UNC13C: variants seen among roughly 807,000 people sequenced by gnomAD.
UNC13C encodes the protein protein unc-13 homolog C.
Under a neutral mutation model 245.4 loss-of-function variants are expected in UNC13C, and 174 were observed. That is an observed-to-expected ratio of 0.71 (90% CI 0.63 to 0.80). UNC13C has a LOEUF of 0.80. UNC13C is among the 30% of genes least tolerant of loss of function. The pLI, the probability that UNC13C is intolerant of heterozygous loss-of-function variation, is 0.00. For missense variants in UNC13C, 2,829 were observed against 2,602.9 expected (o/e 1.09, Z -1.89); for synonymous variants, 992 against 895.1 (o/e 1.11, Z -1.93).
rs144385253 is a variant in UNC13C at position 54,485,574 on chromosome 15, C to G, written c.4934-9034C>G. 6.3e-3 allele frequency among the ~76,000 whole-genome samples: 953 copies of G among 152,298 alleles called. 9 individuals carry two copies. The highest frequency in any genetic ancestry group is 0.022 in the African/African-American group (919 of 41,562). The stretch of plus-strand genomic sequence containing the variant: ...TGTCTTCTGTTCACCAGATAGCAAC[C>G]GAAGTCATGTTTTACAGATGTAAAT... On this transcript the variant is annotated intron_variant, in intron 19 of 32. Transcript: ENST00000260323.
At chr15:54,220,159 C>T (rs1053760489) in intron 4 of UNC13C, among the ~76,000 whole-genome samples, 14 of 151,182 alleles carry the variant, frequency 9.3e-5, no homozygotes, top group South Asian at 4.2e-4. Context: ...ATGTTTACTG[C>T]GGCACTATTC....
intron 10 of UNC13C, among the ~76,000 whole-genome samples, chr15:54,291,622 A>G (rs912506014): frequency 6.6e-6 from 1 of 151,998 alleles, no homozygotes; most frequent in Non-Finnish European, 1.5e-5. Flanking sequence ...GCTAACTGCT[A>G]TAAGGTATTA....
At chr15:54,575,464 A>G (rs1897917762) in intron 30 of UNC13C, among the ~76,000 whole-genome samples, 1 of 152,086 alleles carries the variant, frequency 6.6e-6, no homozygotes, top group African/African-American at 2.4e-5. Context: ...TAGAAAATAA[A>G]CCCTTTTCTG....
At chr15:54,288,148 G>T (rs1415522051) in intron 10 of UNC13C, among the ~76,000 whole-genome samples, 1 of 152,170 alleles carries the variant, frequency 6.6e-6, no homozygotes, top group East Asian at 1.9e-4. Flanking sequence ...GTCTTTGTAT[G>T]TAGCAACCAT....
At chr15:54,185,131 G>C (rs560083003) in intron 4 of UNC13C, among the ~76,000 whole-genome samples, 4 of 151,986 alleles carry the variant, frequency 2.6e-5, no homozygotes, top group South Asian at 2.1e-4. Context: ...TTTTTTTCTT[G>C]TAAATTTGTT....
At chr15:53,994,869 A>T (rs915390748) in intron 1 of UNC13C, among the ~76,000 whole-genome samples, 9 of 152,088 alleles carry the variant, frequency 5.9e-5, no homozygotes, top group Non-Finnish European at 1.3e-4. Context: ...GGGAACACTG[A>T]TGAGGGCCTG....
chr15:54,239,538 C>T (rs78546837), intron 7 of UNC13C, among the ~76,000 whole-genome samples: 2,270 of 152,304 alleles, frequency 0.015, 60 homozygotes, highest in African/African-American at 0.052. Context: ...GCAGCCTCAA[C>T]CTTCAGAGCT....
chr15:54,147,064 G>GTA (rs2032291456), intron 4 of UNC13C, among the ~76,000 whole-genome samples: 1 of 152,170 alleles, frequency 6.6e-6, no homozygotes, highest in African/African-American at 2.4e-5. Context: ...TGGGGAGGGT[G>GTA]TAGCCTTGGG....
intron 13 of UNC13C, among the ~76,000 whole-genome samples, chr15:54,317,568 C>G (rs1214901610): frequency 6.6e-6 from 1 of 151,768 alleles, no homozygotes; most frequent in Non-Finnish European, 1.5e-5. Context: ...GAGCAATGTT[C>G]AATAATTGTG....
chr15:54,624,780 G>A (rs1334037128), intron 32 of UNC13C, among the ~76,000 whole-genome samples: 1 of 152,100 alleles, frequency 6.6e-6, no homozygotes, highest in Non-Finnish European at 1.5e-5. Context: ...TAGGCTGGAG[G>A]TAGAACATGA....
intron 17 of UNC13C, among the ~76,000 whole-genome samples, chr15:54,367,309 T>C (rs180687776): frequency 5.9e-5 from 9 of 152,274 alleles, no homozygotes; most frequent in Non-Finnish European, 8.8e-5. Context: ...ATATTTACAT[T>C]TTCCAATCCT....
Position 54,012,876 on chromosome 15 carries a change from G to A in UNC13C, c.-28G>A, listed in dbSNP as rs1384556875. 1.3e-6 allele frequency: 2 copies of A among 1,510,934 alleles called. No homozygotes were observed. Among genetic ancestry groups the A allele is most frequent in the Non-Finnish European group, 8.9e-7 (1 of 1,118,618 alleles). 93.6% of individuals were successfully genotyped at this position (1,510,934 alleles called of 1,614,324 possible). On this transcript the variant is annotated 5_prime_UTR_variant, in exon 2 of 33. Coordinates refer to ENST00000260323, the MANE Select transcript of UNC13C (RefSeq NM_001080534.3). ...CCTGATACTTGTTTACTTTTCTGGGGCAGAAAAGCTTGCACTAATTGCTCT... is the reference window on the plus strand; with the variant it reads ...CCTGATACTTGTTTACTTTTCTGGGACAGAAAAGCTTGCACTAATTGCTCT...
At chr15:54,092,835 C>T (rs528184891) in intron 2 of UNC13C, among the ~76,000 whole-genome samples, 6 of 152,260 alleles carry the variant, frequency 3.9e-5, no homozygotes, top group Non-Finnish European at 7.4e-5. Context: ...GATATTACCT[C>T]ATTGGCCACC....
intron 4 of UNC13C, among the ~76,000 whole-genome samples, chr15:54,202,457 G>A (rs570209810): frequency 1.3e-5 from 2 of 152,064 alleles, no homozygotes; most frequent in South Asian, 4.1e-4. Context: ...CATAGTACTG[G>A]TATAAAAATT....
At chr15:54,356,669 G>C (rs2039102064) in intron 17 of UNC13C, among the ~76,000 whole-genome samples, 1 of 152,110 alleles carries the variant, frequency 6.6e-6, no homozygotes. Context: ...TTTATTATTT[G>C]ATAATTCCCC....
intron 24 of UNC13C, among the ~76,000 whole-genome samples, chr15:54,517,887 T>C (rs888798933): frequency 3.9e-5 from 6 of 152,306 alleles, no homozygotes; most frequent in Admixed American, 2.0e-4. Context: ...TTATAACTTA[T>C]CCTGCAACAA....
chr15:53,913,095 C>T, the UNC13C span: 1 of 152,178 alleles, frequency 6.6e-6, no homozygotes, highest in African/African-American at 2.4e-5. Flanking sequence ...TGCTTCAGGG[C>T]TTATATGCAT....
At position 54,182,065 on chromosome 15, in the gene UNC13C, A is replaced by G. The variant is rs934273817; in HGVS notation, c.3071+38381A>G. Among the ~76,000 whole-genome samples, 3 of 152,014 alleles carry G rather than the reference A, an allele frequency of 2.0e-5. No individual in the cohort carries two copies. The South Asian group carries it at 6.2e-4, about 32-fold the overall frequency. On this transcript the variant is annotated intron_variant, in intron 4 of 32. Coordinates refer to ENST00000260323, the MANE Select transcript of UNC13C (RefSeq NM_001080534.3). ...GATTACTCTGACCAGGACTTCTAGT[A>G]CTATGTTGAATAGGAGTGGTTAGAG...
the UNC13C span, among the ~76,000 whole-genome samples, chr15:53,941,448 G>T: frequency 1.3e-5 from 2 of 152,122 alleles, no homozygotes; most frequent in African/African-American, 4.8e-5. Context: ...TGACAAATGG[G>T]ATCTAATTAA....
Sources: gnomAD v4.1 joint callset for allele counts (sites outside exome capture counted in the v4.1 genomes callset) on GRCh38, gnomAD v4.1.1 for gene constraint, MANE v1.5 for transcripts, NCBI Gene and HGNC (gene_info 2026-07-23, HGNC 2026-07-21) for gene names.